Variants in TP53BP1 observed in about 807,000 individuals in gnomAD.
TP53BP1 encodes the protein tumor protein p53 binding protein 1, also known as TP53-binding protein 1.
TP53BP1 carries 61 observed loss-of-function variants against 200.8 expected under a neutral mutation model. That is an observed-to-expected ratio of 0.30 (90% confidence interval 0.25 to 0.38). TP53BP1 has a LOEUF of 0.38. TP53BP1 is among the 10% of genes least tolerant of loss of function. TP53BP1 has a pLI of 1.00. For missense variants in TP53BP1, 2,144 were observed against 2,371.9 expected (o/e 0.90, Z 2.00); for synonymous variants, 822 against 844.3 (o/e 0.97, Z 0.46).
chr15:43,426,430 ACT>A (rs1169669771), intron 18 of TP53BP1, among the ~76,000 whole-genome samples: 5 of 128,274 alleles, frequency 3.9e-5, no homozygotes, highest in African/African-American at 1.8e-4. Context: ...ACAGAGTGAG[ACT>A]CTGTGTCAAA....
chr15:43,403,857 G>A lies in TP53BP1; in HGVS notation c.*3526C>T. ...AAAGGACAGAGGTGGTTTTGCCAAT[G>A]GAGAATTCATGATCTTTCCTCTGAG... On this transcript the variant is annotated 3_prime_UTR_variant, in exon 28 of 28. Transcript: ENST00000382044. 8.0e-7 allele frequency: 1 copy of A among 1,245,600 alleles called. No individual in the cohort carries two copies. Among genetic ancestry groups the A allele is most frequent in the Non-Finnish European group, 1.2e-6 (1 of 846,294 alleles). 77.2% of individuals were successfully genotyped at this position (1,245,600 alleles called of 1,614,324 possible).
upstream of TP53BP1, chr15:43,493,227 C>A: frequency 6.8e-7 from 1 of 1,464,984 alleles, no homozygotes; most frequent in Non-Finnish European, 9.0e-7. Context: ...CAAGAAATCC[C>A]GTGGATGATA....
rs757537159 is a variant in TP53BP1 at position 43,413,116 on chromosome 15, T to C, written c.5305+3A>G. The C allele has an allele frequency of 1.2e-6, 2 of 1,613,996 alleles. No individual in the cohort carries two copies. Among genetic ancestry groups the C allele is most frequent in the African/African-American group, 2.7e-5 (2 of 74,912 alleles). On this transcript the variant is annotated splice_donor_region_variant and intron_variant, in intron 24 of 27. Transcript: ENST00000382044. The stretch of plus-strand genomic sequence containing the variant: ...GAGCTCCCAGGGCTTCCTAAGGCCT[T>C]ACCCTCCTCTTCTTCACTGCTTCCT...
Position 43,412,812 on chromosome 15 carries a change from C to CA in TP53BP1, c.5305+306dup, listed in dbSNP as rs200678627. 1.6e-3 allele frequency: 765 copies of CA among 488,150 alleles called. 3 individuals are homozygous for CA. The highest frequency in any genetic ancestry group is 4.9e-3 in the African/African-American group (249 of 50,330). The allele number at this position is 488,150 out of a possible 1,614,324, so 30.2% of individuals were successfully genotyped here. A position where few individuals can be genotyped will look rare whatever the true frequency, so the allele number is the denominator to read the frequency against. ...GTCACAGGTTTGTCATTATTGTGGA[C>CA]AAAAAAAACACAATTATTTAACCTT... On this transcript the variant is annotated intron_variant, in intron 24 of 27. Coordinates refer to ENST00000382044, the MANE Select transcript of TP53BP1 (RefSeq NM_001141980.3).
At chr15:43,510,048 CCAGT>C (rs1172002316) in intron 1 of TP53BP1, among the ~76,000 whole-genome samples, 1 of 151,908 alleles carries the variant, frequency 6.6e-6, no homozygotes, top group African/African-American at 2.4e-5. Context: ...CAAAGATGTT[CCAGT>C]CAGTCATAAA....
intron 18 of TP53BP1, among the ~76,000 whole-genome samples, chr15:43,424,807 G>A (rs1047007030): frequency 5.9e-5 from 9 of 152,162 alleles, no homozygotes; most frequent in Non-Finnish European, 1.0e-4. Context: ...TGGTTTGAAC[G>A]TCTGCCCCTC....
In TP53BP1 at chr15:43,416,309, G is replaced by A; in HGVS notation, c.4789C>T (p.Gln1597Ter). Residue 1597 changes from glutamine to a stop codon, truncating the protein, a stop_gained, in exon 22 of 28, where the codon CAA becomes TAA. Transcript: ENST00000382044. LOFTEE classifies it high-confidence loss of function. ...TACTGCTCTCTCAGTCTGTTTCCTT[G>A]CTCCAAGGACAGGATGACAGCCATT... is the stretch of plus-strand genomic sequence containing the variant. ...KRMAVILSLE[Q>*]GNRLREQYGL... The A allele has an allele frequency of 6.2e-7, 1 of 1,614,162 alleles. No individual in the cohort carries two copies. Among genetic ancestry groups the A allele is most frequent in the Non-Finnish European group, 8.5e-7 (1 of 1,180,038 alleles).
chr15:43,409,462 T>C (rs1400921715), intron 25 of TP53BP1, 185 bp downstream of exon 25: 4 of 536,420 alleles, frequency 7.5e-6, no homozygotes. Flanking sequence ...CCCAAGGTCC[T>C]ACCTTCTCTT....
chr15:43,510,514 A>C (rs34451433), exon 1 of TP53BP1: 41,638 of 154,372 alleles, frequency 0.27, 9,694 homozygotes, highest in African/African-American at 0.63. Context: ...AAAAACAAAA[A>C]AAAAAAAAAA....
intron 15 of TP53BP1, among the ~76,000 whole-genome samples, chr15:43,440,553 T>A (rs528434144): frequency 7.2e-4 from 108 of 150,528 alleles, no homozygotes; most frequent in Admixed American, 1.1e-3. Flanking sequence ...GTCTTGTACC[T>A]AGCCACTTTA....
At chr15:43,461,851 G>T (rs1260888392) in intron 11 of TP53BP1, among the ~76,000 whole-genome samples, 3 of 151,484 alleles carry the variant, frequency 2.0e-5, no homozygotes, top group Non-Finnish European at 4.4e-5. Flanking sequence ...GTACTTTTTA[G>T]TAGAGATGGG....
chr15:43,423,906 C>CT (rs1481138741), intron 18 of TP53BP1, among the ~76,000 whole-genome samples: 2 of 152,096 alleles, frequency 1.3e-5, no homozygotes, highest in Non-Finnish European at 2.9e-5. Context: ...TCCCAGGACT[C>CT]TGTTTTTATT....
At chr15:43,444,408 G>A (rs1430625433) in intron 14 of TP53BP1, among the ~76,000 whole-genome samples, 1 of 152,118 alleles carries the variant, frequency 6.6e-6, no homozygotes, top group Non-Finnish European at 1.5e-5. Context: ...ACCATGCCTG[G>A]CAATAAGCCC....
intron 14 of TP53BP1, among the ~76,000 whole-genome samples, chr15:43,442,082 ATT>A (rs1158826286): frequency 9.7e-5 from 12 of 123,508 alleles, no homozygotes; most frequent in Admixed American, 1.6e-4. Flanking sequence ...ATTTGTTTTA[ATT>A]TTTTTTTTTT....
Position 43,403,322 on chromosome 15 carries a change from G to C in TP53BP1, c.*4061C>G, listed in dbSNP as rs902988810. On this transcript the variant is annotated 3_prime_UTR_variant, in exon 28 of 28. Coordinates refer to ENST00000382044, the MANE Select transcript of TP53BP1 (RefSeq NM_001141980.3). ...GGGAAGGGAGTGCTTCACTGAGAGA[G>C]TGGGACTTGAACTGGTATTAAAAAC... is the stretch of plus-strand genomic sequence containing the variant. 1 of 180,334 alleles carries C rather than the reference G, an allele frequency of 5.5e-6. No homozygotes were observed. Among genetic ancestry groups the C allele is most frequent in the Non-Finnish European group, 1.2e-5 (1 of 85,920 alleles). The allele number at this position is 180,334 out of a possible 1,614,324, so 11.2% of individuals were successfully genotyped here.
intron 11 of TP53BP1, among the ~76,000 whole-genome samples, chr15:43,461,287 A>G (rs1225143789): frequency 6.6e-6 from 1 of 151,912 alleles, no homozygotes; most frequent in African/African-American, 2.4e-5. Context: ...TAATGCGATC[A>G]TGGCTCACTG....
chr15:43,418,561 A>G (rs1376156232), intron 21 of TP53BP1, among the ~76,000 whole-genome samples: 1 of 152,066 alleles, frequency 6.6e-6, no homozygotes, highest in Admixed American at 6.6e-5. Context: ...ATGCCAATCC[A>G]TGTTCAAAAA....
rs758073899 is a variant in TP53BP1 at position 43,407,585 on chromosome 15, G to A, written c.5747-15C>T. On this transcript the variant is annotated splice_polypyrimidine_tract_variant and intron_variant, in intron 27 of 27. Coordinates refer to ENST00000382044, the MANE Select transcript of TP53BP1 (RefSeq NM_001141980.3). ...TAAAGCAATATCTGCAAGGAGCAAG[G>A]GAAAGTGAAGAAGGAAAGGACACTC... 1.7e-5 allele frequency: 27 copies of A among 1,600,524 alleles called. No individual in the cohort carries two copies. In the East Asian group the frequency reaches 3.1e-4, roughly 19 times the overall value.
At chr15:43,422,796 C>T (rs914015102) in intron 18 of TP53BP1, among the ~76,000 whole-genome samples, 1 of 151,978 alleles carries the variant, frequency 6.6e-6, no homozygotes, top group African/African-American at 2.4e-5. Flanking sequence ...GAGCTTGAGA[C>T]CACCTTAGGC....
Sources: allele counts gnomAD v4.1 joint callset (sites outside exome capture counted in the v4.1 genomes callset), GRCh38; gene constraint gnomAD v4.1.1; transcripts MANE v1.5; gene names NCBI Gene and HGNC (gene_info 2026-07-23, HGNC 2026-07-21).